ZNF609: variants seen among roughly 807,000 people sequenced by gnomAD.
ZNF609 encodes the protein zinc finger protein 609.
Under a neutral mutation model 109.5 loss-of-function variants are expected in ZNF609, and 11 were observed. That is an observed-to-expected ratio of 0.10 (90% CI 0.06 to 0.17). The LOEUF is 0.17. Among genes scored for constraint, ZNF609 ranks in the 10% least tolerant of loss-of-function variants. The probability of loss-of-function intolerance (pLI) is 1.00; values close to 1 mark genes in which losing one functional copy is unlikely to be tolerated. For synonymous variants in ZNF609, 646 were observed against 662.0 expected, an observed-to-expected ratio of 0.98 and a Z score of 0.37; for missense variants, 1,559 against 1,772.4, an observed-to-expected ratio of 0.88 and a Z score of 2.16.
At chr15:64,623,456 T>TA (rs1265686318) in intron 3 of ZNF609, among the ~76,000 whole-genome samples, 3 of 152,228 alleles carry the variant, frequency 2.0e-5, no homozygotes, top group African/African-American at 7.2e-5. Context: ...TAAATTCACT[T>TA]AATGTTGGCT....
At chr15:64,574,531 G>C (rs1894916250) in intron 2 of ZNF609, among the ~76,000 whole-genome samples, 1 of 152,172 alleles carries the variant, frequency 6.6e-6, no homozygotes, top group Non-Finnish European at 1.5e-5. Context: ...CTACAGGCAA[G>C]TATATGAGAG....
chr15:64,501,026 T>C (rs1595700401), intron 2 of ZNF609: 1 of 154,052 alleles, frequency 6.5e-6, no homozygotes, highest in African/African-American at 2.4e-5. Context: ...TGGAGGAGAA[T>C]GGGTGTGAGT....
intron 2 of ZNF609, among the ~76,000 whole-genome samples, chr15:64,523,032 G>C (rs984013771): frequency 4.0e-5 from 6 of 149,986 alleles, no homozygotes; most frequent in Admixed American, 1.3e-4. Flanking sequence ...TTTATTTATT[G>C]TTCCTTTTAA....
intron 3 of ZNF609, among the ~76,000 whole-genome samples, chr15:64,634,344 G>A (rs1008484881): frequency 2.0e-5 from 3 of 152,138 alleles, no homozygotes; most frequent in African/African-American, 7.2e-5. Flanking sequence ...TCTGCCTGTG[G>A]TAGCTCCGCT....
At chr15:64,652,137 T>C (rs931522689) in intron 3 of ZNF609, among the ~76,000 whole-genome samples, 6 of 151,990 alleles carry the variant, frequency 3.9e-5, no homozygotes, top group Non-Finnish European at 8.8e-5. Context: ...CCTATTCTCA[T>C]GCCTCAGCCT....
chr15:64,607,895 CTTTTTT>C (rs71133457), intron 2 of ZNF609, among the ~76,000 whole-genome samples: 1 of 12,258 alleles, frequency 8.2e-5, no homozygotes, highest in African/African-American at 1.6e-4. Flanking sequence ...TCTTTTCTTT[CTTTTTT>C]TTTTTTTTTT....
intron 2 of ZNF609, among the ~76,000 whole-genome samples, chr15:64,575,062 G>A (rs1894926796): frequency 6.6e-6 from 1 of 152,146 alleles, no homozygotes; most frequent in Non-Finnish European, 1.5e-5. Flanking sequence ...CTGCTGAATT[G>A]CTTTTGTTGG....
intron 1 of ZNF609, among the ~76,000 whole-genome samples, chr15:64,491,174 T>C (rs952529329): frequency 6.6e-6 from 1 of 152,176 alleles, no homozygotes; most frequent in African/African-American, 2.4e-5. Context: ...GGAAGGTGAT[T>C]GTTTCTCATT....
chr15:64,626,574 C>T (rs1442639905), intron 3 of ZNF609, among the ~76,000 whole-genome samples: 3 of 152,144 alleles, frequency 2.0e-5, no homozygotes, highest in Non-Finnish European at 4.4e-5. Context: ...TGCTTGGCCT[C>T]TGAGGGGAAT....
chr15:64,577,320 TAC>T (rs1567019358), intron 2 of ZNF609, among the ~76,000 whole-genome samples: 2 of 30,370 alleles, frequency 6.6e-5, no homozygotes, highest in African/African-American at 1.0e-4. Context: ...TGTATATATA[TAC>T]ACACAAATAT....
intron 2 of ZNF609, among the ~76,000 whole-genome samples, chr15:64,565,583 T>C (rs186812787): frequency 9.2e-4 from 140 of 152,266 alleles, no homozygotes; most frequent in African/African-American, 3.1e-3. Context: ...TTTAGAAATA[T>C]TGAGAGCAGA....
In ZNF609 at chr15:64,675,109, G is replaced by C. The variant is rs566528785; in HGVS notation, c.2255G>C (p.Arg752Pro). Residue 752 changes from arginine (R) to proline (P), a missense_variant, in exon 5 of 10, where the codon CGA (arginine) becomes CCA (proline). This residue lies in a region of ZNF609 where 1,204 missense variants were observed against 1,314.1 expected (regional missense o/e 0.92). Transcript: ENST00000326648. The stretch of plus-strand genomic sequence containing the variant: ...CCTCTGACCCCTGGGAAGGTGTGTC[G>C]AGCAGAGGAAGGCAAAAGCCCATTC... ...ESPLTPGKVC[R>P]AEEGKSPFRE... 5 of 1,614,102 alleles carry C rather than the reference G, an allele frequency of 3.1e-6. No homozygotes were observed. The highest frequency in any genetic ancestry group is 4.2e-6 in the Non-Finnish European group (5 of 1,180,040).
At chr15:64,628,930 T>C (rs992153515) in intron 3 of ZNF609, among the ~76,000 whole-genome samples, 40 of 152,268 alleles carry the variant, frequency 2.6e-4, no homozygotes, top group Middle Eastern at 3.4e-3. Context: ...TGGCCCCTGC[T>C]CACTATTGTA....
intron 2 of ZNF609, among the ~76,000 whole-genome samples, chr15:64,555,199 T>C (rs916510140): frequency 6.6e-6 from 1 of 151,832 alleles, no homozygotes; most frequent in Non-Finnish European, 1.5e-5. Context: ...ACCTCATCTC[T>C]ACAAAAAATA....
intron 1 of ZNF609, among the ~76,000 whole-genome samples, chr15:64,474,288 A>C (rs1893134844): frequency 1.3e-5 from 2 of 150,224 alleles, no homozygotes; most frequent in South Asian, 4.2e-4. Flanking sequence ...ATCTCGGCTC[A>C]CTGCAACCTC....
intron 3 of ZNF609, among the ~76,000 whole-genome samples, chr15:64,640,958 A>G (rs910671970): frequency 2.0e-5 from 3 of 152,092 alleles, no homozygotes; most frequent in Non-Finnish European, 2.9e-5. Flanking sequence ...CCATTTGCAC[A>G]CCCCATCCCC....
chr15:64,490,000 C>T (rs1893389242), intron 1 of ZNF609, among the ~76,000 whole-genome samples: 1 of 152,144 alleles, frequency 6.6e-6, no homozygotes, highest in African/African-American at 2.4e-5. Context: ...GCTCTGTCAC[C>T]CAGGCGGGAG....
intron 2 of ZNF609, among the ~76,000 whole-genome samples, chr15:64,576,583 A>G (rs1227446674): frequency 6.6e-6 from 1 of 152,128 alleles, no homozygotes; most frequent in Non-Finnish European, 1.5e-5. Context: ...TTCTACGAAA[A>G]GGAAGATGTG....
At chr15:64,528,862 C>A in intron 2 of ZNF609, 1 of 912,988 alleles carries the variant, frequency 1.1e-6, no homozygotes, top group East Asian at 2.5e-5. Context: ...CCAGGATGCT[C>A]TTGAGGGGGC....
Sources: gnomAD v4.1 joint callset for allele counts (sites outside exome capture counted in the v4.1 genomes callset) on GRCh38, gnomAD v4.1.1 for gene constraint, gnomAD v4.1.1 regional missense constraint, MANE v1.5 for transcripts, NCBI Gene and HGNC (gene_info 2026-07-23, HGNC 2026-07-21) for gene names.